Variants in ABR observed in about 807,000 individuals in gnomAD.
ABR encodes the protein ABR activator of RhoGEF and GTPase.
A neutral mutation model predicts 107.2 loss-of-function variants in ABR; 35 were observed. That is an observed-to-expected ratio of 0.33 (90% CI 0.25 to 0.43). ABR has a LOEUF of 0.43. ABR is among the 20% of genes least tolerant of loss of function. The pLI is 1.00. For missense variants in ABR, 815 were observed against 1,115.2 expected (o/e 0.73, Z 3.83); for synonymous variants, 498 against 462.0 (o/e 1.08, Z -1.00).
chr17:1,044,247 G>C (rs1273208895), intron 16 of ABR, among the ~76,000 whole-genome samples: 3 of 152,208 alleles, frequency 2.0e-5, no homozygotes, highest in African/African-American at 7.2e-5. Flanking sequence ...CTGAGTCTGG[G>C]GCCCTTGTTC....
At position 1,079,151 on chromosome 17, in the gene ABR, T is replaced by A. The variant is rs867865092; in HGVS notation, c.700+179A>T. 26 of 1,446,066 alleles carry A rather than the reference T, an allele frequency of 1.8e-5. No individual in the cohort carries two copies. In the African/African-American group the frequency reaches 3.4e-4, roughly 19 times the overall value. The allele number at this position is 1,446,066 out of a possible 1,614,324, so 89.6% of individuals were successfully genotyped here. On this transcript the variant is annotated intron_variant, in intron 6 of 22. Transcript: ENST00000302538. ...TGGCTGCCTGGGCACGAGGCTAGAG[T>A]CCTCGCGTGCGCGCACACGCGCACT...
At chr17:1,190,505 G>A (rs1390934149), upstream of ABR, among the ~76,000 whole-genome samples, 2 of 152,146 alleles carry the variant, frequency 1.3e-5, no homozygotes, top group Admixed American at 6.5e-5. Context: ...GTGGTGGTGG[G>A]TGCCTGTAAT....
intron 1 of ABR, among the ~76,000 whole-genome samples, chr17:1,193,840 G>GCCA (rs1567880955): frequency 1.3e-5 from 2 of 151,998 alleles, no homozygotes; most frequent in African/African-American, 4.8e-5. Flanking sequence ...ACAGGCACCC[G>GCCA]CCACCACGCC....
Position 1,148,082 on chromosome 17 carries a change from T to C in ABR, c.62-22715A>G, listed in dbSNP as rs1048769513. 1.3e-5 allele frequency among the ~76,000 whole-genome samples: 2 copies of C among 152,168 alleles called. No individual in the cohort carries two copies. Among genetic ancestry groups the C allele is most frequent in the Non-Finnish European group, 2.9e-5 (2 of 68,026 alleles). Reference sequence around the variant, plus strand: ...TCAATGGGCCCACCCCACGGTAAGCTTCAAGGATGGCCTGCTTGCTGCTGA... The same window carrying C: ...TCAATGGGCCCACCCCACGGTAAGCCTCAAGGATGGCCTGCTTGCTGCTGA... On this transcript the variant is annotated intron_variant, in intron 1 of 22. Transcript: ENST00000302538. The surrounding 1 kb of genome is among the most constrained non-coding windows in gnomAD (Gnocchi z 4.9).
At position 1,092,861 on chromosome 17, in the gene ABR, C is replaced by G. The variant is rs533579443; in HGVS notation, c.346-1011G>C. Among the ~76,000 whole-genome samples the G allele has an allele frequency of 1.3e-5, 2 of 150,926 alleles. No homozygotes were observed. Among genetic ancestry groups the G allele is most frequent in the Non-Finnish European group, 3.0e-5 (2 of 67,594 alleles). On this transcript the variant is annotated intron_variant, in intron 3 of 22. Coordinates refer to ENST00000302538, the MANE Select transcript of ABR (RefSeq NM_021962.5). The surrounding 1 kb of genome is among the most constrained non-coding windows in gnomAD (Gnocchi z 4.6). ...TCTTTTTTTTTTGGAGACGGAGTCTCGCTCTGTCGCCCAGGCTGGAGTGCA... is the reference window on the plus strand; with the variant it reads ...TCTTTTTTTTTTGGAGACGGAGTCTGGCTCTGTCGCCCAGGCTGGAGTGCA...
rs11870264 is a variant in ABR, at chr17:1,148,965, C to G, written c.62-23598G>C. Among the ~76,000 whole-genome samples the G allele has an allele frequency of 0.15, 23,072 of 149,424 alleles. 2,044 individuals are homozygous for G. Among genetic ancestry groups the G allele is most frequent in the African/African-American group, 0.24 (9,497 of 40,242 alleles). ...CACCCAGGCTGGAGTGCAGTGGCGC[C>G]ATCTCGGCTCACTGCAAGCTCCGCC... On this transcript the variant is annotated intron_variant, in intron 1 of 22. Transcript: ENST00000302538. This position sits in a 1 kb window ranked among gnomAD's most constrained non-coding sequence, Gnocchi z 4.9.
chr17:1,102,898 T>C (rs983603961), intron 2 of ABR, among the ~76,000 whole-genome samples: 3 of 152,010 alleles, frequency 2.0e-5, no homozygotes, highest in Non-Finnish European at 2.9e-5. Flanking sequence ...TTAGTAGAGA[T>C]GGGGTTTCAC....
At chr17:1,031,591 CGG>C (rs755163263) in intron 16 of ABR, 2 of 1,223,472 alleles carry the variant, frequency 1.6e-6, no homozygotes, top group African/African-American at 3.2e-5. Flanking sequence ...CCAGCCCCCG[CGG>C]GCACCTTGTT....
intron 2 of ABR, among the ~76,000 whole-genome samples, chr17:1,121,479 CTCCCCTCATGCTG>C (rs2039343946): frequency 6.6e-6 from 1 of 152,236 alleles, no homozygotes; most frequent in Non-Finnish European, 1.5e-5. Flanking sequence ...TGCTGCAGGC[CTCCCCTCATGCTG>C]AAATTCCGCA....
intron 2 of ABR, among the ~76,000 whole-genome samples, chr17:1,112,957 A>AATCAGCAAGCATTTGTTAACG (rs2038778528): frequency 8.2e-6 from 1 of 122,506 alleles, no homozygotes; most frequent in Non-Finnish European, 1.7e-5. Context: ...TTTGTTAACC[A>AATCAGCAAGCATTTGTTAACG]CCTGACCCAA....
At position 1,078,988 on chromosome 17, in the gene ABR, C is replaced by CG; in HGVS notation, c.700+341dup. On this transcript the variant is annotated intron_variant, in intron 6 of 22. Coordinates refer to ENST00000302538, the MANE Select transcript of ABR (RefSeq NM_021962.5). The surrounding 1 kb of genome is among the most constrained non-coding windows in gnomAD (Gnocchi z 7.5). ...GGACTCCAGCATCGGGCAGCCGCTC[C>CG]GGAGTGCTCTTCCAGCAAGGGGGAG... is the stretch of plus-strand genomic sequence containing the variant. 1 of 1,308,176 alleles carries CG rather than the reference C, an allele frequency of 7.6e-7. No individual in the cohort carries two copies. Among genetic ancestry groups the CG allele is most frequent in the Non-Finnish European group, 9.9e-7 (1 of 1,006,364 alleles). The allele number at this position is 1,308,176 out of a possible 1,614,324, so 81.0% of individuals were successfully genotyped here.
chr17:1,164,517 T>A (rs999231199), intron 1 of ABR, among the ~76,000 whole-genome samples: 1 of 151,664 alleles, frequency 6.6e-6, no homozygotes, highest in Non-Finnish European at 1.5e-5. Context: ...CCAGATAAAC[T>A]GCAAGACTCC....
chr17:1,215,616 T>C (rs2042986090), intron 1 of ABR, among the ~76,000 whole-genome samples: 1 of 152,146 alleles, frequency 6.6e-6, no homozygotes, highest in Non-Finnish European at 1.5e-5. Context: ...CCGCCTGCCT[T>C]GGCCTCCCAA....
At chr17:1,021,472 A>AG in intron 16 of ABR, among the ~76,000 whole-genome samples, 1 of 152,238 alleles carries the variant, frequency 6.6e-6, no homozygotes, top group Non-Finnish European at 1.5e-5. Context: ...AGAATGCGGG[A>AG]GGGTTTCCCT....
At chr17:1,096,417 A>G (rs959296812) in intron 3 of ABR, among the ~76,000 whole-genome samples, 2 of 152,266 alleles carry the variant, frequency 1.3e-5, no homozygotes, top group African/African-American at 2.4e-5. Flanking sequence ...TTGCGAGGCC[A>G]CCCCGAAGAG....
In ABR at chr17:1,078,704, A is replaced by G. The variant is rs2035943772; in HGVS notation, c.700+626T>C. 3.4e-6 allele frequency: 4 copies of G among 1,170,154 alleles called. No homozygotes were observed. The highest frequency in any genetic ancestry group is 4.8e-6 in the Non-Finnish European group (4 of 838,062). 72.5% of individuals were successfully genotyped at this position (1,170,154 alleles called of 1,614,324 possible). On this transcript the variant is annotated intron_variant, in intron 6 of 22. Coordinates refer to ENST00000302538, the MANE Select transcript of ABR (RefSeq NM_021962.5). The surrounding 1 kb of genome is among the most constrained non-coding windows in gnomAD (Gnocchi z 7.5). ...GGAATTCAGGTCCAGCCGCTCGCCC[A>G]CCCTCCTTCCCTGCGGCCCTCTAAC...
At chr17:1,127,674 T>C (rs569988815) in intron 1 of ABR, among the ~76,000 whole-genome samples, 65 of 152,230 alleles carry the variant, frequency 4.3e-4, no homozygotes, top group Middle Eastern at 6.8e-3. Context: ...GGACCGCGGC[T>C]TTGCCCACAG....
intron 16 of ABR, among the ~76,000 whole-genome samples, chr17:1,023,201 C>T (rs1437130727): frequency 1.2e-4 from 18 of 152,258 alleles, no homozygotes; most frequent in Admixed American, 2.6e-4. Flanking sequence ...GGCCCCACGT[C>T]CACTCCAGAG....
chr17:1,183,031 C>T (rs1015317701), upstream of ABR, among the ~76,000 whole-genome samples: 5 of 152,162 alleles, frequency 3.3e-5, no homozygotes, highest in Non-Finnish European at 7.4e-5. Context: ...TCCAACGTCA[C>T]GCGCTGGGAA....
Sources: gnomAD v4.1 joint callset for allele counts (sites outside exome capture counted in the v4.1 genomes callset) on GRCh38, gnomAD v4.1.1 for gene constraint, Gnocchi (gnomAD v3.1) non-coding constraint, MANE v1.5 for transcripts, NCBI Gene and HGNC (gene_info 2026-07-23, HGNC 2026-07-21) for gene names.